Variants in HOOK3 observed in about 807,000 individuals in gnomAD.
HOOK3 encodes protein Hook homolog 3.
HOOK3 carries 24 observed loss-of-function variants against 116.3 expected under a neutral mutation model. That is an observed-to-expected ratio of 0.21 (90% CI 0.15 to 0.29). The LOEUF (loss-of-function observed/expected upper bound fraction) is 0.29. Ranked by LOEUF, HOOK3 falls within the 10% of genes least tolerant of loss-of-function variation. HOOK3 has a pLI of 1.00. For synonymous variants in HOOK3, 275 were observed against 283.0 expected (o/e 0.97, Z 0.28); for missense variants, 632 against 830.2 (o/e 0.76, Z 2.93).
intron 2 of HOOK3, among the ~76,000 whole-genome samples, chr8:42,908,261 A>G (rs564847208): frequency 2.6e-5 from 4 of 152,358 alleles, no homozygotes; most frequent in African/African-American, 4.8e-5. Context: ...TGCAGATTCA[A>G]TGCATTCCCT....
At chr8:42,929,051 A>T (rs1807823318) in intron 3 of HOOK3, among the ~76,000 whole-genome samples, 1 of 152,230 alleles carries the variant, frequency 6.6e-6, no homozygotes, top group Admixed American at 6.5e-5. Flanking sequence ...GTCTCAAAAA[A>T]ATAAATACAT....
chr8:43,004,144 A>G (rs1809428650), intron 17 of HOOK3, among the ~76,000 whole-genome samples: 1 of 150,608 alleles, frequency 6.6e-6, no homozygotes, highest in African/African-American at 2.4e-5. Context: ...AAGCAGGTCA[A>G]TCACTTGAGG....
intron 4 of HOOK3, among the ~76,000 whole-genome samples, chr8:42,935,237 TTG>T (rs1398700170): frequency 6.6e-6 from 1 of 151,284 alleles, no homozygotes; most frequent in African/African-American, 2.5e-5. Flanking sequence ...TTTGATGGGG[TTG>T]TTTTTTTTTC....
rs545377701 is a variant in HOOK3 at position 42,971,392 on chromosome 8, G to A, written c.1123-1897G>A. Among the ~76,000 whole-genome samples the A allele has an allele frequency of 1.4e-4, 21 of 151,908 alleles. 1 individual carries two copies. In the East Asian group the frequency reaches 3.9e-3, roughly 28 times the overall value. ...AGCGATTCTCCTGCCTCAGCCTCCC[G>A]AGTAGCTGGGATTACAGGCACCTGC... On this transcript the variant is annotated intron_variant, in intron 11 of 21. Coordinates refer to ENST00000307602, the MANE Select transcript of HOOK3 (RefSeq NM_032410.4).
At chr8:42,934,624 T>C (rs1218556415) in intron 4 of HOOK3, among the ~76,000 whole-genome samples, 1 of 149,090 alleles carries the variant, frequency 6.7e-6, no homozygotes, top group African/African-American at 2.4e-5. Context: ...TTCCCACCCA[T>C]GAGTGAGAAC....
In HOOK3 at chr8:43,018,672, TG is replaced by T; in HGVS notation, c.*176del. On this transcript the variant is annotated 3_prime_UTR_variant, in exon 22 of 22. Transcript: ENST00000307602. ...TCCTGTATCTTTGTTTTAGTTTCTTTGGTTTTTATTTTGTAGTCCTTTCAGT... is the reference window on the plus strand; with the variant it reads ...TCCTGTATCTTTGTTTTAGTTTCTTTGTTTTTATTTTGTAGTCCTTTCAGT... The T allele has an allele frequency of 1.6e-6, 1 of 627,116 alleles. No individual in the cohort carries two copies. The highest frequency in any genetic ancestry group is 3.8e-5 in the Admixed American group (1 of 26,060). 38.8% of individuals were successfully genotyped at this position (627,116 alleles called of 1,614,324 possible).
At chr8:42,948,941 A>G (rs534393380) in intron 5 of HOOK3, among the ~76,000 whole-genome samples, 1 of 152,394 alleles carries the variant, frequency 6.6e-6, no homozygotes, top group East Asian at 1.9e-4. Flanking sequence ...GCCTTAGGGC[A>G]ATACTTCCTT....
Position 42,997,650 on chromosome 8 carries a change from A to G in HOOK3, c.1620+13A>G, listed in dbSNP as rs1455036416. The G allele has an allele frequency of 7.3e-7, 1 of 1,373,908 alleles. No individual in the cohort carries two copies. Among genetic ancestry groups the G allele is most frequent in the Non-Finnish European group, 1.0e-6 (1 of 961,410 alleles). The allele number at this position is 1,373,908 out of a possible 1,614,324, so 85.1% of individuals were successfully genotyped here. A position where few individuals can be genotyped will look rare whatever the true frequency, so the allele number is the denominator to read the frequency against. ...AAAAGCAGAAGATGTAAGTTTTAAT[A>G]TGTACCAACGATGGTCCATCAGTTT... is the stretch of plus-strand genomic sequence containing the variant. On this transcript the variant is annotated intron_variant, in intron 16 of 21. Transcript: ENST00000307602.
chr8:42,957,388 A>G (rs1447603527), intron 7 of HOOK3, among the ~76,000 whole-genome samples: 2 of 152,180 alleles, frequency 1.3e-5, no homozygotes, highest in Non-Finnish European at 2.9e-5. Context: ...TGCATAACCT[A>G]CTTTGAAATA....
At chr8:42,939,557 TGGCCGAGCGGGG>T (rs1808055676) in intron 4 of HOOK3, among the ~76,000 whole-genome samples, 1 of 145,108 alleles carries the variant, frequency 6.9e-6, no homozygotes, top group Non-Finnish European at 1.5e-5. Context: ...ACAGGGCGGC[TGGCCGAGCGGGG>T]GGCTGACCCC....
chr8:43,016,449 G>A (rs1809718576), intron 21 of HOOK3, among the ~76,000 whole-genome samples: 1 of 152,142 alleles, frequency 6.6e-6, no homozygotes, highest in Non-Finnish European at 1.5e-5. Context: ...ACTCTTCAGA[G>A]AGTGAAGGAA....
At chr8:42,949,992 A>G (rs1808308897) in intron 5 of HOOK3, among the ~76,000 whole-genome samples, 1 of 152,200 alleles carries the variant, frequency 6.6e-6, no homozygotes, top group Non-Finnish European at 1.5e-5. Context: ...CACAGAGTTC[A>G]AAGTTTTTTT....
chr8:43,003,946 A>G (rs1252464832), intron 17 of HOOK3, among the ~76,000 whole-genome samples: 1 of 152,064 alleles, frequency 6.6e-6, no homozygotes, highest in African/African-American at 2.4e-5. Context: ...TAAACACCCA[A>G]TTTCCAAATA....
At chr8:42,923,015 TA>T (rs1347151789) in intron 2 of HOOK3, among the ~76,000 whole-genome samples, 4 of 152,086 alleles carry the variant, frequency 2.6e-5, no homozygotes, top group African/African-American at 9.7e-5. Flanking sequence ...TACAATTCAA[TA>T]AAAAAGACAA....
chr8:42,916,117 C>G (rs139317796), intron 2 of HOOK3, among the ~76,000 whole-genome samples: 1 of 152,202 alleles, frequency 6.6e-6, no homozygotes, highest in South Asian at 2.1e-4. Context: ...TTCCCACTCT[C>G]CTCACCACCT....
intron 15 of HOOK3, among the ~76,000 whole-genome samples, chr8:42,995,765 C>G (rs1406999704): frequency 6.6e-6 from 1 of 152,088 alleles, no homozygotes; most frequent in Non-Finnish European, 1.5e-5. Context: ...TTTTGTCTTC[C>G]CTTCTCAGCG....
chr8:42,919,946 G>A (rs560759800), intron 2 of HOOK3, among the ~76,000 whole-genome samples: 1 of 151,172 alleles, frequency 6.6e-6, no homozygotes, highest in South Asian at 2.1e-4. Flanking sequence ...AAGGGGAGAG[G>A]GAGAGGGTTT....
intron 2 of HOOK3, among the ~76,000 whole-genome samples, chr8:42,921,704 G>A (rs1193602500): frequency 6.6e-6 from 1 of 152,194 alleles, no homozygotes; most frequent in East Asian, 1.9e-4. Flanking sequence ...TTTTCCTGGG[G>A]ATTTAGAATT....
intron 17 of HOOK3, among the ~76,000 whole-genome samples, chr8:43,006,222 G>C (rs1307958028): frequency 6.7e-6 from 1 of 148,768 alleles, no homozygotes; most frequent in African/African-American, 2.5e-5. Flanking sequence ...GGGTTTCACC[G>C]TGTTAGCCAG....
Sources: allele counts gnomAD v4.1 joint callset (sites outside exome capture counted in the v4.1 genomes callset), GRCh38; gene constraint gnomAD v4.1.1; transcripts MANE v1.5; gene names NCBI Gene and HGNC (gene_info 2026-07-23, HGNC 2026-07-21).